Variants in BSN observed in about 807,000 individuals in gnomAD.
The protein encoded by BSN is bassoon presynaptic cytomatrix protein, also known as protein bassoon.
In BSN, 57 loss-of-function variants were observed where a neutral mutation model predicts 264.8. The observed-to-expected ratio is 0.22, with a 90% CI of 0.17 to 0.27. The LOEUF is 0.27. Ranked by LOEUF, BSN falls within the 10% of genes least tolerant of loss-of-function variation. The pLI is 1.00. For synonymous variants in BSN, 2,059 were observed against 2,137.3 expected (o/e 0.96, Z 1.01); for missense variants, 4,615 against 5,232.5 (o/e 0.88, Z 3.64).
chr3:49,652,710 C>G lies in BSN; in HGVS notation c.3154C>G (p.Leu1052Val), dbSNP rs1230741082. 6.4e-7 allele frequency: 1 copy of G among 1,570,224 alleles called. No individual in the cohort carries two copies. Among genetic ancestry groups the G allele is most frequent in the South Asian group, 1.2e-5 (1 of 83,926 alleles). Residue 1052 changes from leucine to valine, a missense_variant, in exon 5 of 12, where the codon CTG becomes GTG. Leu to Val is a conservative substitution (Grantham distance 32). This residue lies in a region of BSN where 3,415 missense variants were observed against 3,866.4 expected (regional missense o/e 0.88). Coordinates refer to ENST00000296452, the MANE Select transcript of BSN (RefSeq NM_003458.4). ...GGAGGAGCTGCGGGAGGAAGAGGAG[C>G]TGCTTCGTGAGCAAGAGAAGATGCG... ...EEEELREEEE[L>V]LREQEKMREV... is the part of the protein sequence containing the mutation.
At chr3:49,562,480 G>T (rs928724181) in intron 1 of BSN, among the ~76,000 whole-genome samples, 14 of 152,172 alleles carry the variant, frequency 9.2e-5, no homozygotes, top group African/African-American at 3.1e-4. Context: ...GTCTCACAGA[G>T]GTAAGAGAAA....
chr3:49,605,564 T>TAATATATAA (rs2052119410), intron 1 of BSN, among the ~76,000 whole-genome samples: 2 of 2,764 alleles, frequency 7.2e-4, no homozygotes, highest in African/African-American at 3.1e-3. Context: ...ATAATATATA[T>TAATATATAA]TATATATTAT....
intron 1 of BSN, among the ~76,000 whole-genome samples, chr3:49,582,361 A>G (rs184999795): frequency 1.0e-3 from 156 of 152,110 alleles, no homozygotes; most frequent in Non-Finnish European, 2.0e-3. Flanking sequence ...TTCAGTGGCT[A>G]TTTACATTTG....
chr3:49,563,509 G>C (rs1051054838), intron 1 of BSN, among the ~76,000 whole-genome samples: 1 of 152,244 alleles, frequency 6.6e-6, no homozygotes, highest in Non-Finnish European at 1.5e-5. Context: ...TAGCCTGAAA[G>C]AGACTTTAGA....
chr3:49,590,040 G>A (rs1343627528), intron 1 of BSN, among the ~76,000 whole-genome samples: 2 of 151,774 alleles, frequency 1.3e-5, no homozygotes, highest in Non-Finnish European at 2.9e-5. Flanking sequence ...GTTTCACCAT[G>A]TTGGCCAGGA....
chr3:49,577,216 AGGCTTCT>A (rs2051851777), intron 1 of BSN, among the ~76,000 whole-genome samples: 1 of 152,214 alleles, frequency 6.6e-6, no homozygotes, highest in Non-Finnish European at 1.5e-5. Context: ...GGCTTGTGAG[AGGCTTCT>A]GCCTCTAAAT....
Position 49,662,935 on chromosome 3 carries a change from G to A in BSN, c.10777G>A (p.Asp3593Asn), listed in dbSNP as rs768998429. 1 of 1,613,610 alleles carries A rather than the reference G, an allele frequency of 6.2e-7. No individual in the cohort carries two copies. The highest frequency in any genetic ancestry group is 1.7e-5 in the Admixed American group (1 of 59,952). Residue 3593 changes from aspartate (D) to asparagine (N), a missense_variant, in exon 7 of 12, where the codon GAC becomes AAC. Transcript: ENST00000296452. ...TGATAAGCCCCGGGATGCCCGCTCTGACCGGTTCAGGCACCACGGGGGCCA... is the reference window on the plus strand; with the variant it reads ...TGATAAGCCCCGGGATGCCCGCTCTAACCGGTTCAGGCACCACGGGGGCCA... ...WFDKPRDARS[D>N]RFRHHGGHAV...
rs1559611534 is a variant in BSN, at chr3:49,640,200, AG to A, written c.634-2066del. On this transcript the variant is annotated intron_variant, in intron 2 of 11. Coordinates refer to ENST00000296452, the MANE Select transcript of BSN (RefSeq NM_003458.4). The stretch of plus-strand genomic sequence containing the variant: ...CCAGCCTCAGCTCTGGTTGATGAGG[AG>A]GAGACTCTTCATTGAGGCACCAAAT... 2.6e-5 allele frequency among the ~76,000 whole-genome samples: 4 copies of A among 152,350 alleles called. No homozygotes were observed. The East Asian group carries it at 7.7e-4, about 29-fold the overall frequency.
In BSN at chr3:49,585,199, G is replaced by GT. The variant is rs34989545; in HGVS notation, c.224+30383dup. The stretch of plus-strand genomic sequence containing the variant: ...TCATATGGTAGCCCAATTTTTAGTT[G>GT]TTTTTTTTTTAATTTTAATTTTTAT... On this transcript the variant is annotated intron_variant, in intron 1 of 11. Coordinates refer to ENST00000296452, the MANE Select transcript of BSN (RefSeq NM_003458.4). This position sits in a 1 kb window ranked among gnomAD's most constrained non-coding sequence, Gnocchi z 4.7. Among the ~76,000 whole-genome samples, 122,973 of 149,134 alleles carry GT rather than the reference G, an allele frequency of 0.82. 50,985 individuals carry two copies. The highest frequency in any genetic ancestry group is 0.99 in the East Asian group (5,087 of 5,136).
intron 1 of BSN, among the ~76,000 whole-genome samples, chr3:49,614,755 AGTTACCCTTAT>A (rs2052246470): frequency 6.6e-6 from 1 of 152,234 alleles, no homozygotes; most frequent in Admixed American, 6.5e-5. Flanking sequence ...GTTAAAGGAA[AGTTACCCTTAT>A]GTTACCCTTA....
chr3:49,577,433 GT>G (rs1361446209), intron 1 of BSN, among the ~76,000 whole-genome samples: 3 of 152,196 alleles, frequency 2.0e-5, no homozygotes, highest in Non-Finnish European at 4.4e-5. Flanking sequence ...GGTTGAGATT[GT>G]GAGAGCAGGG....
chr3:49,593,016 T>C (rs924166728), intron 1 of BSN, among the ~76,000 whole-genome samples: 2 of 152,206 alleles, frequency 1.3e-5, no homozygotes, highest in African/African-American at 4.8e-5. Flanking sequence ...TCCTTTGTGT[T>C]GTCTTTTTAC....
chr3:49,659,827 C>G (rs2052638670), intron 5 of BSN, among the ~76,000 whole-genome samples: 1 of 152,132 alleles, frequency 6.6e-6, no homozygotes, highest in Non-Finnish European at 1.5e-5. Context: ...ATGGAGGGAG[C>G]TGGGGACCAG....
Position 49,657,535 on chromosome 3 carries a change from C to G in BSN, c.7979C>G (p.Ala2660Gly). The change falls in exon 5 of 12, where the codon GCC (alanine) becomes GGC (glycine). Residue 2660 changes from alanine (A) to glycine (G), a missense_variant. Ala to Gly is a moderately conservative substitution (Grantham distance 60). Around this residue, in one of 3 missense-constraint regions of BSN, gnomAD observed 3,415 missense variants for 3,866.4 expected, o/e 0.88. Transcript: ENST00000296452. ...SSSSAAATVR[A>G]MSSVGIQTIS... ...TCCAGTGCTGCTGCCACTGTGAGGGCCATGAGCAGCGTGGGCATCCAGACC... is the reference window on the plus strand; with the variant it reads ...TCCAGTGCTGCTGCCACTGTGAGGGGCATGAGCAGCGTGGGCATCCAGACC... The G allele has an allele frequency of 6.2e-7, 1 of 1,613,224 alleles. No individual in the cohort carries two copies. Among genetic ancestry groups the G allele is most frequent in the Non-Finnish European group, 8.5e-7 (1 of 1,180,012 alleles).
rs2052623075 is a variant in BSN, at chr3:49,657,823, G to A, written c.8267G>A (p.Gly2756Asp). ...CAGATCGTCACCCCAGGGCCTCTGG[G>A]CAGATTTGAAAAAAAGAAGCCAGAT... ...GIQIVTPGPLGRFEKKKPDPL... is the reference protein window; with the variant it reads ...GIQIVTPGPLDRFEKKKPDPL... Residue 2756 changes from glycine (G) to aspartate (D), a missense_variant, in exon 5 of 12, where the codon GGC becomes GAC. Gly to Asp is a moderately conservative substitution (Grantham distance 94). Transcript: ENST00000296452. The A allele has an allele frequency of 6.2e-7, 1 of 1,604,486 alleles. No homozygotes were observed. Among genetic ancestry groups the A allele is most frequent in the Non-Finnish European group, 8.5e-7 (1 of 1,175,836 alleles).
rs1575421931 is a variant in BSN at position 49,554,524 on chromosome 3, G to A, written c.-79G>A. On this transcript the variant is annotated 5_prime_UTR_variant, in exon 1 of 12. Coordinates refer to ENST00000296452, the MANE Select transcript of BSN (RefSeq NM_003458.4). ...GGGAGATGGCGGCGGCAGCGGCGGC[G>A]CCGAGAGTGTGAGCACCGCCCGGGA... 8.9e-6 allele frequency: 4 copies of A among 448,396 alleles called. No individual in the cohort carries two copies. Among genetic ancestry groups the A allele is most frequent in the Non-Finnish European group, 1.2e-5 (4 of 339,804 alleles). The allele number at this position is 448,396 out of a possible 1,614,324, so 27.8% of individuals were successfully genotyped here.
At chr3:49,621,540 G>A (rs1055809637) in intron 1 of BSN, among the ~76,000 whole-genome samples, 1 of 152,130 alleles carries the variant, frequency 6.6e-6, no homozygotes, top group Non-Finnish European at 1.5e-5. Context: ...AGGATCAAGT[G>A]CTGCTGATGG....
In BSN at chr3:49,620,279, G is replaced by C. The variant is rs1046714648; in HGVS notation, c.225-4696G>C. Among the ~76,000 whole-genome samples, 6 of 152,024 alleles carry C rather than the reference G, an allele frequency of 3.9e-5. No homozygotes were observed. The South Asian group carries it at 1.2e-3, about 32-fold the overall frequency. ...GTGTCTACTAAAAATACAAAAATCAGCTGGGCATGGTGGCACATGCCTGTA... is the reference window on the plus strand; with the variant it reads ...GTGTCTACTAAAAATACAAAAATCACCTGGGCATGGTGGCACATGCCTGTA... On this transcript the variant is annotated intron_variant, in intron 1 of 11. Transcript: ENST00000296452.
chr3:49,670,837 G>A lies in BSN; in HGVS notation c.*3352G>A, dbSNP rs2052749354. On this transcript the variant is annotated 3_prime_UTR_variant, in exon 12 of 12. Coordinates refer to ENST00000296452, the MANE Select transcript of BSN (RefSeq NM_003458.4). ...CCCACAGTGAAAGAACAGCAGTGGTGGCAACTATGCCTTGCCTTCTGGAGC... is the reference window on the plus strand; with the variant it reads ...CCCACAGTGAAAGAACAGCAGTGGTAGCAACTATGCCTTGCCTTCTGGAGC... The A allele has an allele frequency of 6.6e-6, 1 of 152,272 alleles. No homozygotes were observed. Among genetic ancestry groups the A allele is most frequent in the Non-Finnish European group, 1.5e-5 (1 of 68,066 alleles). The allele number at this position is 152,272 out of a possible 1,614,324, so 9.4% of individuals were successfully genotyped here.
Sources: allele counts gnomAD v4.1 joint callset (sites outside exome capture counted in the v4.1 genomes callset), GRCh38; gene constraint gnomAD v4.1.1; regional missense constraint gnomAD v4.1.1; non-coding constraint Gnocchi (gnomAD v3.1); transcripts MANE v1.5; gene names NCBI Gene and HGNC (gene_info 2026-07-23, HGNC 2026-07-21).